The following COL19A1 variants were observed in gnomAD, a reference collection of about 807,000 sequenced individuals.
COL19A1 encodes the protein collagen alpha-1(XIX) chain.
In COL19A1, 159 loss-of-function variants were observed where a neutral mutation model predicts 190.2. That is an observed-to-expected ratio of 0.84 (90% CI 0.73 to 0.95). The LOEUF (loss-of-function observed/expected upper bound fraction) is 0.95, where lower values mean the gene tolerates loss of function less well. COL19A1 is among the 40% of genes least tolerant of loss of function. COL19A1 has a pLI of 0.00. For synonymous variants in COL19A1, 509 were observed against 458.9 expected (o/e 1.11, Z -1.39); for missense variants, 1,418 against 1,431.9 (o/e 0.99, Z 0.16).
intron 27 of COL19A1, among the ~76,000 whole-genome samples, chr6:70,148,271 C>G (rs537822168): frequency 1.3e-4 from 19 of 151,954 alleles, no homozygotes; most frequent in Non-Finnish European, 2.1e-4. Context: ...ATCCAGGAGC[C>G]CACCGAGAGT....
rs577325441 is a variant in COL19A1 at position 70,211,547 on chromosome 6, T to C, written c.*4273T>C. Among the ~76,000 whole-genome samples the C allele has an allele frequency of 9.3e-5, 14 of 149,914 alleles. No homozygotes were observed. Among genetic ancestry groups the C allele is most frequent in the East Asian group, 1.9e-4 (1 of 5,148 alleles). On this transcript the variant is annotated 3_prime_UTR_variant, in exon 51 of 51. Transcript: ENST00000620364. ...GAAGAGGAGGAGATGCAGAAGATAATTGAATTTGTATCTTGTATGCCTATG... is the reference window on the plus strand; with the variant it reads ...GAAGAGGAGGAGATGCAGAAGATAACTGAATTTGTATCTTGTATGCCTATG...
intron 1 of COL19A1, among the ~76,000 whole-genome samples, chr6:69,877,163 A>G (rs1161072850): frequency 1.3e-5 from 2 of 152,202 alleles, no homozygotes; most frequent in Admixed American, 6.5e-5. Flanking sequence ...CCCAAGTGAT[A>G]TGACATTTAT....
chr6:69,996,261 A>G (rs1776898929), intron 11 of COL19A1, among the ~76,000 whole-genome samples: 1 of 152,210 alleles, frequency 6.6e-6, no homozygotes, highest in Admixed American at 6.5e-5. Flanking sequence ...GTATATTCGG[A>G]CAGCTATAGA....
intron 27 of COL19A1, among the ~76,000 whole-genome samples, chr6:70,147,305 G>C (rs537851937): frequency 1.5e-4 from 23 of 152,154 alleles, no homozygotes; most frequent in Admixed American, 1.4e-3. Context: ...ACACCAAAAA[G>C]GTCTGAGTAA....
At chr6:69,965,953 C>T (rs79038868) in intron 11 of COL19A1, among the ~76,000 whole-genome samples, 9 of 152,090 alleles carry the variant, frequency 5.9e-5, no homozygotes, top group African/African-American at 9.7e-5. Context: ...TGGGGATTTT[C>T]CTTAGATTCC....
chr6:70,052,513 T>TC (rs1288040693), intron 14 of COL19A1, among the ~76,000 whole-genome samples: 2 of 152,226 alleles, frequency 1.3e-5, no homozygotes, highest in Admixed American at 1.3e-4. Flanking sequence ...TCAGCTCTAG[T>TC]CCCGGAGTAT....
intron 7 of COL19A1, among the ~76,000 whole-genome samples, chr6:69,934,054 T>G (rs967905760): frequency 4.6e-5 from 7 of 152,052 alleles, no homozygotes; most frequent in African/African-American, 1.7e-4. Context: ...TCAAAAATAT[T>G]TTTGACTTTT....
rs564125068 is a variant in COL19A1 at position 70,180,233 on chromosome 6, T to C, written c.2668-79T>C. 250 of 1,510,886 alleles carry C rather than the reference T, an allele frequency of 1.7e-4. 1 individual carries two copies. The highest frequency in any genetic ancestry group is 7.2e-4 in the Middle Eastern group (4 of 5,546). 93.6% of individuals were successfully genotyped at this position (1,510,886 alleles called of 1,614,324 possible). A position where few individuals can be genotyped will look rare whatever the true frequency, so the allele number is the denominator to read the frequency against. ...ACCCTTGGGAGCACTATAAACTCAA[T>C]TGGGGTTGGGGGAAGAGAAGCATAT... On this transcript the variant is annotated intron_variant, in intron 42 of 50. Coordinates refer to ENST00000620364, the MANE Select transcript of COL19A1 (RefSeq NM_001858.6).
intron 4 of COL19A1, among the ~76,000 whole-genome samples, chr6:69,922,687 G>T (rs190964978): frequency 6.6e-6 from 1 of 151,950 alleles, no homozygotes; most frequent in African/African-American, 2.4e-5. Flanking sequence ...CACTATGTTG[G>T]CCAGGCAGGT....
chr6:70,175,060 T>C (rs1765722487), intron 41 of COL19A1, among the ~76,000 whole-genome samples: 1 of 152,236 alleles, frequency 6.6e-6, no homozygotes. Flanking sequence ...AAAGTTCTAG[T>C]ATATTAATTT....
chr6:69,867,121 G>A (rs558208768), intron 1 of COL19A1, among the ~76,000 whole-genome samples: 30 of 146,032 alleles, frequency 2.1e-4, no homozygotes, highest in African/African-American at 7.6e-4. Flanking sequence ...GACGGTGTTA[G>A]CCCTGGAAGC....
intron 11 of COL19A1, among the ~76,000 whole-genome samples, chr6:70,021,285 A>G (rs1582700838): frequency 6.6e-6 from 1 of 152,290 alleles, no homozygotes. Flanking sequence ...TCATCAGAAT[A>G]TTAACTCTGT....
chr6:69,991,781 G>A (rs1029484969), intron 11 of COL19A1, among the ~76,000 whole-genome samples: 6 of 151,816 alleles, frequency 4.0e-5, no homozygotes, highest in Non-Finnish European at 7.4e-5. Context: ...TATAGATTCC[G>A]GGTCTTAGAC....
intron 15 of COL19A1, among the ~76,000 whole-genome samples, chr6:70,078,835 G>A (rs956119858): frequency 1.3e-5 from 2 of 152,174 alleles, no homozygotes; most frequent in African/African-American, 4.8e-5. Context: ...GGGAGGCCGA[G>A]GCGGGCAGGT....
chr6:69,918,411 T>G (rs1187308051), intron 4 of COL19A1, among the ~76,000 whole-genome samples: 2 of 152,030 alleles, frequency 1.3e-5, no homozygotes, highest in Non-Finnish European at 2.9e-5. Flanking sequence ...ATAAAAACAG[T>G]AAGGGCTTGG....
At chr6:70,098,532 C>A in intron 15 of COL19A1, 1 of 457,414 alleles carries the variant, frequency 2.2e-6, no homozygotes, top group South Asian at 1.7e-5. Context: ...TAAGCCTTGG[C>A]ACTTCAGTTA....
rs1456664721 is a variant in COL19A1, at chr6:70,098,142, C to T, written c.1225-4027C>T. On this transcript the variant is annotated intron_variant, in intron 15 of 50. Transcript: ENST00000620364. ...TGGCCCCAGCTATCCTCAACCACTTCCCCAGAGCCCTGCAAAGAAAATAAC... is the reference window on the plus strand; with the variant it reads ...TGGCCCCAGCTATCCTCAACCACTTTCCCAGAGCCCTGCAAAGAAAATAAC... Among the ~76,000 whole-genome samples, 3 of 152,170 alleles carry T rather than the reference C, an allele frequency of 2.0e-5. No homozygotes were observed. The East Asian group carries it at 5.8e-4, about 29-fold the overall frequency.
chr6:69,880,184 T>C (rs1319175134), intron 2 of COL19A1, among the ~76,000 whole-genome samples: 1 of 152,226 alleles, frequency 6.6e-6, no homozygotes, highest in East Asian at 1.9e-4. Context: ...ATATTTGCAA[T>C]TATTAAATGT....
At chr6:70,036,359 G>T (rs1160873542) in intron 14 of COL19A1, among the ~76,000 whole-genome samples, 1 of 152,130 alleles carries the variant, frequency 6.6e-6, no homozygotes, top group Non-Finnish European at 1.5e-5. Context: ...ATTTAAACTG[G>T]TAATTACATT....
Sources: gnomAD v4.1 joint callset for allele counts (sites outside exome capture counted in the v4.1 genomes callset) on GRCh38, gnomAD v4.1.1 for gene constraint, MANE v1.5 for transcripts, NCBI Gene and HGNC (gene_info 2026-07-23, HGNC 2026-07-21) for gene names.